CSGALNACT1: variants seen among roughly 807,000 people sequenced by gnomAD.
CSGALNACT1 encodes the protein chondroitin sulfate N-acetylgalactosaminyltransferase 1, also known as beta4GalNAcT-1.
CSGALNACT1 carries 52 observed loss-of-function variants against 51.0 expected under a neutral mutation model. The observed-to-expected ratio is 1.02, with a 90% confidence interval of 0.82 to 1.29. The LOEUF (loss-of-function observed/expected upper bound fraction) is 1.29, where lower values mean the gene tolerates loss of function less well. Ranked by LOEUF, CSGALNACT1 falls within the 50% of genes most tolerant of loss-of-function variation. The probability of loss-of-function intolerance (pLI) is 0.00; values close to 1 mark genes in which losing one functional copy is unlikely to be tolerated. For missense variants in CSGALNACT1, 935 were observed against 679.2 expected (o/e 1.38, Z -4.19); for synonymous variants, 341 against 254.4 (o/e 1.34, Z -3.24).
At chr8:19,753,229 A>C (rs1272891850) in intron 1 of CSGALNACT1, among the ~76,000 whole-genome samples, 1 of 152,204 alleles carries the variant, frequency 6.6e-6, no homozygotes, top group Non-Finnish European at 1.5e-5. Flanking sequence ...GCAGAATCCT[A>C]AAAGTAATCC....
intron 1 of CSGALNACT1, among the ~76,000 whole-genome samples, chr8:19,664,520 G>A (rs771072605): frequency 8.5e-5 from 13 of 152,088 alleles, no homozygotes; most frequent in Non-Finnish European, 1.6e-4. Flanking sequence ...ACATTAAAAA[G>A]ACACCTGCCC....
Position 19,461,737 on chromosome 8 carries a change from G to A in CSGALNACT1, c.635-3095C>T, listed in dbSNP as rs371289595. 2.7e-4 allele frequency among the ~76,000 whole-genome samples: 21 copies of A among 78,344 alleles called. No homozygotes were observed. In the East Asian group the frequency reaches 5.7e-3, roughly 21 times the overall value. The allele number at this position is 78,344 out of a possible 152,430, so 51.4% of individuals were successfully genotyped here. The stretch of plus-strand genomic sequence containing the variant: ...CACATTCACCATGGAGGGCGTATCC[G>A]CACAGCGGCCACATTCACCATGGAG... On this transcript the variant is annotated intron_variant, in intron 4 of 9. Coordinates refer to ENST00000454498, the Ensembl canonical transcript of CSGALNACT1.
chr8:19,548,305 G>T (rs1484095975), intron 3 of CSGALNACT1, among the ~76,000 whole-genome samples: 5 of 152,116 alleles, frequency 3.3e-5, no homozygotes, highest in Non-Finnish European at 7.4e-5. Context: ...TAAAAATTAA[G>T]TTAGACAGTA....
intron 1 of CSGALNACT1, among the ~76,000 whole-genome samples, chr8:19,755,031 C>G (rs1014435629): frequency 2.3e-4 from 35 of 152,322 alleles, no homozygotes; most frequent in African/African-American, 8.2e-4. Flanking sequence ...AGAATAACTT[C>G]ATTACATTCT....
intron 1 of CSGALNACT1, among the ~76,000 whole-genome samples, chr8:19,674,288 G>A (rs2060006193): frequency 3.3e-5 from 5 of 151,698 alleles, no homozygotes; most frequent in Admixed American, 1.3e-4. Context: ...GTGTGACTGT[G>A]TCTCAAAAAA....
chr8:19,527,044 A>G (rs2081859959), intron 3 of CSGALNACT1, among the ~76,000 whole-genome samples: 2 of 152,202 alleles, frequency 1.3e-5, no homozygotes, highest in South Asian at 4.1e-4. Context: ...ATACCTATAT[A>G]CTATGTAGCT....
chr8:19,414,958 C>G (rs1045924666), intron 8 of CSGALNACT1, among the ~76,000 whole-genome samples: 3 of 152,174 alleles, frequency 2.0e-5, no homozygotes, highest in Non-Finnish European at 4.4e-5. Flanking sequence ...AATTTTACAT[C>G]TTCTCCCCAC....
At chr8:19,696,667 TC>T (rs969254803) in intron 1 of CSGALNACT1, among the ~76,000 whole-genome samples, 15 of 152,062 alleles carry the variant, frequency 9.9e-5, no homozygotes, top group African/African-American at 3.6e-4. Context: ...TGCCTCAGTT[TC>T]CCAACTGTTA....
At chr8:19,417,885 A>G (rs925402727) in intron 8 of CSGALNACT1, among the ~76,000 whole-genome samples, 1 of 152,174 alleles carries the variant, frequency 6.6e-6, no homozygotes, top group Non-Finnish European at 1.5e-5. Context: ...CCATGCCCAG[A>G]AGACACAGAG....
chr8:19,713,663 C>G (rs1014425428), intron 1 of CSGALNACT1, among the ~76,000 whole-genome samples: 1 of 152,086 alleles, frequency 6.6e-6, no homozygotes, highest in African/African-American at 2.4e-5. Context: ...CCAAGAAACA[C>G]CAAAGATTGC....
intron 4 of CSGALNACT1, among the ~76,000 whole-genome samples, chr8:19,484,679 C>G (rs1237734969): frequency 6.6e-6 from 1 of 152,216 alleles, no homozygotes; most frequent in Admixed American, 6.5e-5. Context: ...TGAAGTGTGT[C>G]TCCCCAAAAT....
At chr8:19,567,530 T>A (rs980280126) in intron 3 of CSGALNACT1, among the ~76,000 whole-genome samples, 2 of 152,200 alleles carry the variant, frequency 1.3e-5, no homozygotes, top group African/African-American at 4.8e-5. Context: ...ACATTACACT[T>A]ATTGGGGAAA....
intron 3 of CSGALNACT1, among the ~76,000 whole-genome samples, chr8:19,508,756 T>C (rs1422333984): frequency 1.3e-5 from 2 of 152,248 alleles, no homozygotes; most frequent in East Asian, 1.9e-4. Context: ...ACTTAAATTA[T>C]GCTGTTTTTC....
At chr8:19,576,039 A>C (rs1445836892) in intron 3 of CSGALNACT1, among the ~76,000 whole-genome samples, 5 of 152,124 alleles carry the variant, frequency 3.3e-5, no homozygotes, top group African/African-American at 1.2e-4. Flanking sequence ...AGGAAGAGGT[A>C]GGTGGGCCGA....
intron 1 of CSGALNACT1, among the ~76,000 whole-genome samples, chr8:19,622,010 T>G (rs1589092523): frequency 1.3e-5 from 2 of 152,250 alleles, no homozygotes; most frequent in South Asian, 2.1e-4. Context: ...AGTCCTGGTA[T>G]GTAGTCGATA....
intron 1 of CSGALNACT1, among the ~76,000 whole-genome samples, chr8:19,698,361 T>C (rs1301365455): frequency 6.6e-6 from 1 of 152,196 alleles, no homozygotes; most frequent in Non-Finnish European, 1.5e-5. Context: ...TAACTATGAA[T>C]ACGATGCACA....
At chr8:19,499,436 G>C (rs143266895) in intron 4 of CSGALNACT1, among the ~76,000 whole-genome samples, 93 of 152,316 alleles carry the variant, frequency 6.1e-4, no homozygotes, top group African/African-American at 2.2e-3. Flanking sequence ...TGGTGAATGA[G>C]TGCAACCTTC....
At chr8:19,625,886 C>T (rs1306037514) in intron 1 of CSGALNACT1, among the ~76,000 whole-genome samples, 2 of 152,166 alleles carry the variant, frequency 1.3e-5, no homozygotes, top group Non-Finnish European at 2.9e-5. Context: ...AAAAAGTCTA[C>T]ATTTTCTCCA....
chr8:19,416,073 G>A (rs976660508), intron 8 of CSGALNACT1, among the ~76,000 whole-genome samples: 3 of 151,528 alleles, frequency 2.0e-5, no homozygotes, highest in African/African-American at 7.3e-5. Context: ...GATCACCCAG[G>A]AAGGCAAGGT....
Sources: gnomAD v4.1 joint callset for allele counts (sites outside exome capture counted in the v4.1 genomes callset) on GRCh38, gnomAD v4.1.1 for gene constraint, MANE v1.5 for transcripts, NCBI Gene and HGNC (gene_info 2026-07-23, HGNC 2026-07-21) for gene names.